The following FGF14 variants were observed in gnomAD, a reference collection of about 807,000 sequenced individuals.
The protein encoded by FGF14 is fibroblast growth factor 14, also known as fibroblast growth factor homologous factor 4.
FGF14 carries 5 observed loss-of-function variants against 25.5 expected under a neutral mutation model. The observed-to-expected ratio is 0.20, with a 90% CI of 0.10 to 0.41. The LOEUF (loss-of-function observed/expected upper bound fraction) is 0.41, where lower values mean the gene tolerates loss of function less well. FGF14 is among the 10% of genes least tolerant of loss of function. FGF14 has a pLI of 1.00. For synonymous variants in FGF14, 138 were observed against 118.3 expected (o/e 1.17, Z -1.08); for missense variants, 222 against 320.1 (o/e 0.69, Z 2.34).
intron 1 of FGF14, among the ~76,000 whole-genome samples, chr13:102,152,691 C>A (rs1046446564): frequency 6.6e-6 from 1 of 152,048 alleles, no homozygotes; most frequent in South Asian, 2.1e-4. Context: ...ACCACAATGC[C>A]CAAACAGAAA....
At chr13:102,006,267 T>C (rs2039779362) in intron 1 of FGF14, among the ~76,000 whole-genome samples, 1 of 152,232 alleles carries the variant, frequency 6.6e-6, no homozygotes, top group African/African-American at 2.4e-5. Flanking sequence ...AAAAAACTTA[T>C]TTGTGAACTA....
chr13:101,923,391 TA>T (rs1444905339), intron 1 of FGF14, among the ~76,000 whole-genome samples: 4 of 152,098 alleles, frequency 2.6e-5, no homozygotes, highest in African/African-American at 9.6e-5. Flanking sequence ...CCTTTCTCGA[TA>T]AATGGGTTCT....
At chr13:102,142,297 G>A (rs2046675026) in intron 1 of FGF14, among the ~76,000 whole-genome samples, 1 of 151,908 alleles carries the variant, frequency 6.6e-6, no homozygotes, top group South Asian at 2.1e-4. Flanking sequence ...TAGCACTGTG[G>A]TAAAAATAGG....
intron 1 of FGF14, among the ~76,000 whole-genome samples, chr13:102,034,158 C>A (rs2041353765): frequency 1.3e-5 from 2 of 152,184 alleles, no homozygotes; most frequent in South Asian, 4.2e-4. Flanking sequence ...ATAGAGGCTG[C>A]AACTCAATTT....
chr13:102,096,403 G>T (rs1446344098), intron 1 of FGF14, among the ~76,000 whole-genome samples: 1 of 148,908 alleles, frequency 6.7e-6, no homozygotes, highest in Non-Finnish European at 1.5e-5. Context: ...TGTTGTCCTG[G>T]TCTTTATTAA....
chr13:102,052,721 A>G (rs1482119782), intron 1 of FGF14, among the ~76,000 whole-genome samples: 2 of 152,124 alleles, frequency 1.3e-5, no homozygotes, highest in Non-Finnish European at 2.9e-5. Context: ...AGACTTTTTC[A>G]GACAAACAAA....
chr13:101,960,661 A>T (rs1356771345), intron 1 of FGF14, among the ~76,000 whole-genome samples: 3 of 152,188 alleles, frequency 2.0e-5, no homozygotes, highest in African/African-American at 2.4e-5. Context: ...ATACACGTAT[A>T]TATATCTTTA....
chr13:101,933,858 G>A (rs766808400), intron 1 of FGF14, among the ~76,000 whole-genome samples: 2 of 151,906 alleles, frequency 1.3e-5, no homozygotes, highest in African/African-American at 2.4e-5. Flanking sequence ...TTGCTCATAT[G>A]TATATATATT....
chr13:101,930,921 CGGTCCAACAAGTTAG>C (rs760272771), intron 1 of FGF14, among the ~76,000 whole-genome samples: 10 of 152,270 alleles, frequency 6.6e-5, no homozygotes, highest in Admixed American at 2.6e-4. Flanking sequence ...TCCACTTAGA[CGGTCCAACAAGTTAG>C]AGTCCAACAA....
intron 3 of FGF14, among the ~76,000 whole-genome samples, chr13:101,760,230 A>G (rs2037929540): frequency 6.6e-6 from 1 of 152,210 alleles, no homozygotes; most frequent in Non-Finnish European, 1.5e-5. Context: ...AGATTCTTTG[A>G]AAGCATTTCA....
At chr13:102,388,311 T>C (rs1261335390) in intron 1 of FGF14, among the ~76,000 whole-genome samples, 2 of 152,196 alleles carry the variant, frequency 1.3e-5, no homozygotes, top group African/African-American at 4.8e-5. Context: ...AAATTAAAAC[T>C]ACAAAGTAGG....
chr13:102,117,456 C>T (rs2045525860), intron 1 of FGF14, among the ~76,000 whole-genome samples: 1 of 152,198 alleles, frequency 6.6e-6, no homozygotes, highest in South Asian at 2.1e-4. Flanking sequence ...GAAGCCTCAA[C>T]TCGGCTTCGT....
intron 1 of FGF14, among the ~76,000 whole-genome samples, chr13:102,271,264 A>T (rs1373408556): frequency 1.3e-5 from 2 of 152,178 alleles, no homozygotes; most frequent in African/African-American, 4.8e-5. Context: ...TTTATATCTC[A>T]TATTGGTTTG....
intron 3 of FGF14, among the ~76,000 whole-genome samples, chr13:101,793,088 C>T (rs1327425278): frequency 2.0e-5 from 3 of 152,106 alleles, no homozygotes; most frequent in Non-Finnish European, 4.4e-5. Flanking sequence ...ATTCACTACA[C>T]TGTGCAACAG....
chr13:102,019,075 G>C (rs1466769153), intron 1 of FGF14, among the ~76,000 whole-genome samples: 1 of 152,078 alleles, frequency 6.6e-6, no homozygotes, highest in Non-Finnish European at 1.5e-5. Flanking sequence ...CATTTTGCAA[G>C]GCATCATGAC....
chr13:102,287,158 G>A (rs941582778), intron 1 of FGF14, among the ~76,000 whole-genome samples: 7 of 152,108 alleles, frequency 4.6e-5, no homozygotes, highest in Non-Finnish European at 1.0e-4. Context: ...AAACAAAACA[G>A]TATTTCAGAG....
intron 1 of FGF14, among the ~76,000 whole-genome samples, chr13:102,286,826 C>T (rs1439052348): frequency 5.9e-5 from 9 of 152,168 alleles, no homozygotes; most frequent in Non-Finnish European, 1.3e-4. Context: ...AGGAGCCACA[C>T]TATGGACTAA....
chr13:101,956,581 C>T (rs549752841), intron 1 of FGF14, among the ~76,000 whole-genome samples: 1 of 151,930 alleles, frequency 6.6e-6, no homozygotes. Flanking sequence ...AATATACAAA[C>T]AACAATAACG....
At chr13:102,347,526 T>C (rs2057146421) in intron 1 of FGF14, among the ~76,000 whole-genome samples, 1 of 152,088 alleles carries the variant, frequency 6.6e-6, no homozygotes, top group Non-Finnish European at 1.5e-5. Context: ...AAGGAGGCTT[T>C]AGGAAGTGTG....
Sources: allele counts gnomAD v4.1 joint callset (sites outside exome capture counted in the v4.1 genomes callset), GRCh38; gene constraint gnomAD v4.1.1; transcripts MANE v1.5; gene names NCBI Gene and HGNC (gene_info 2026-07-23, HGNC 2026-07-21).